MED21: variants seen among roughly 807,000 people sequenced by gnomAD.
MED21 encodes mediator of RNA polymerase II transcription subunit 21.
MED21 carries 9 observed loss-of-function variants against 18.2 expected under a neutral mutation model. That is an observed-to-expected ratio of 0.49 (90% CI 0.30 to 0.86). The LOEUF (loss-of-function observed/expected upper bound fraction) is 0.86. MED21 is among the 40% of genes least tolerant of loss of function. The pLI, the probability that MED21 is intolerant of heterozygous loss-of-function variation, is 0.07. For missense variants in MED21, 150 were observed against 170.9 expected (o/e 0.88, Z 0.68); for synonymous variants, 73 against 60.5 (o/e 1.21, Z -0.96).
chr12:27,025,272 A>G (rs1185732794), intron 1 of MED21, among the ~76,000 whole-genome samples: 3 of 152,242 alleles, frequency 2.0e-5, no homozygotes, highest in Non-Finnish European at 4.4e-5. Context: ...CTCCATTACA[A>G]TTAGCAAAAC....
downstream of MED21, among the ~76,000 whole-genome samples, chr12:27,032,531 T>C (rs1220059418): frequency 6.6e-6 from 1 of 152,194 alleles, no homozygotes; most frequent in East Asian, 1.9e-4. Context: ...CCAACTTGTC[T>C]CCCTGTCTCC....
intron 1 of MED21, chr12:27,022,869 C>A (rs193160874): frequency 1.4e-6 from 2 of 1,416,452 alleles, no homozygotes; most frequent in South Asian, 1.3e-5. Flanking sequence ...CGTTCTTGTC[C>A]GGGTGAGGCC....
downstream of MED21, among the ~76,000 whole-genome samples, chr12:27,032,548 T>C (rs1358154247): frequency 1.3e-5 from 2 of 152,210 alleles, no homozygotes; most frequent in African/African-American, 4.8e-5. Context: ...CTCCTGCTTA[T>C]GTGGTACATG....
At chr12:27,023,522 C>T (rs971687701) in intron 1 of MED21, among the ~76,000 whole-genome samples, 3 of 152,004 alleles carry the variant, frequency 2.0e-5, no homozygotes, top group Admixed American at 2.0e-4. Flanking sequence ...GTCTCAAACT[C>T]CCGGCCTCAA....
chr12:27,026,829 G>A (rs1384514236), intron 2 of MED21, among the ~76,000 whole-genome samples: 2 of 152,142 alleles, frequency 1.3e-5, no homozygotes. Context: ...TTATTCAGGT[G>A]ACCACTATAT....
chr12:27,032,968 C>T (rs565542585), downstream of MED21, among the ~76,000 whole-genome samples: 8 of 152,298 alleles, frequency 5.3e-5, no homozygotes, highest in South Asian at 6.2e-4. Flanking sequence ...GTCCCATTAA[C>T]GTCACCTGCT....
Position 27,029,809 on chromosome 12 carries a change from GAAA to G in MED21, c.*1350_*1352del. On this transcript the variant is annotated 3_prime_UTR_variant, in exon 4 of 4. Transcript: ENST00000282892. The stretch of plus-strand genomic sequence containing the variant: ...TTTGGGGGGAGAGAAGATTCAGTCA[GAAA>G]ACTTATTCAAAGTACCTAAGTATTA... 3 of 993,344 alleles carry G rather than the reference GAAA, an allele frequency of 3.0e-6. No homozygotes were observed. The highest frequency in any genetic ancestry group is 3.6e-6 in the Non-Finnish European group (3 of 834,902). 61.5% of individuals were successfully genotyped at this position (993,344 alleles called of 1,614,324 possible).
At chr12:27,024,511 C>T (rs1941519054) in intron 1 of MED21, among the ~76,000 whole-genome samples, 1 of 152,202 alleles carries the variant, frequency 6.6e-6, no homozygotes, top group Non-Finnish European at 1.5e-5. Context: ...CAGCCTTCCT[C>T]AGGGAACTAC....
At chr12:27,022,877 G>A in intron 1 of MED21, 2 of 1,411,378 alleles carry the variant, frequency 1.4e-6, no homozygotes, top group South Asian at 1.3e-5. Flanking sequence ...TCCGGGTGAG[G>A]CCGCCAGGAC....
chr12:27,033,766 GA>G (rs1418555002), downstream of MED21, among the ~76,000 whole-genome samples: 1 of 152,150 alleles, frequency 6.6e-6, no homozygotes, highest in Non-Finnish European at 1.5e-5. Flanking sequence ...GTCAAAAGAA[GA>G]AATCAGAAAG....
In MED21 at chr12:27,027,439, G is replaced by C. The variant is rs1312538325; in HGVS notation, c.250G>C (p.Ala84Pro). 2 of 1,609,928 alleles carry C rather than the reference G, an allele frequency of 1.2e-6. No homozygotes were observed. The highest frequency in any genetic ancestry group is 3.3e-5 in the Admixed American group (2 of 59,780). ...CTTACCCAGTGAAGAATCTACAGCT[G>C]CTTTACAGGTAAGCCTCTATTCCTT... ...DSLPSEESTA[A>P]LQAASLYKLE... Residue 84 changes from alanine (A) to proline (P), a missense_variant, in exon 3 of 4, where the codon GCT becomes CCT. Coordinates refer to ENST00000282892, the MANE Select transcript of MED21 (RefSeq NM_004264.5).
intron 2 of MED21, chr12:27,037,830 TG>T (rs749387754): frequency 7.2e-5 from 11 of 152,358 alleles, no homozygotes; most frequent in South Asian, 2.1e-4. Context: ...AATATGGTAA[TG>T]TAATTTGCCA....
At position 27,029,605 on chromosome 12, in the gene MED21, A is replaced by G; in HGVS notation, c.*1144A>G. The G allele has an allele frequency of 2.0e-6, 2 of 985,444 alleles. No individual in the cohort carries two copies. The highest frequency in any genetic ancestry group is 3.5e-5 in the African/African-American group (2 of 57,368). The allele number at this position is 985,444 out of a possible 1,614,324, so 61.0% of individuals were successfully genotyped here. On this transcript the variant is annotated 3_prime_UTR_variant, in exon 4 of 4. Transcript: ENST00000282892. ...TTTTGTTGTAATCAAGCTTTTCCAC[A>G]GTTCTTGAAAAGTACTATGTTTCAA...
chr12:27,035,926 T>C (rs1941646944), intron 2 of MED21, among the ~76,000 whole-genome samples: 1 of 152,134 alleles, frequency 6.6e-6, no homozygotes, highest in African/African-American at 2.4e-5. Flanking sequence ...TATAGCAGCA[T>C]GATTTATAGT....
At chr12:27,033,103 T>C (rs944661961), downstream of MED21, among the ~76,000 whole-genome samples, 1 of 152,236 alleles carries the variant, frequency 6.6e-6, no homozygotes, top group African/African-American at 2.4e-5. Flanking sequence ...ATTCTCCTTA[T>C]TGCAATAGTC....
Position 27,029,085 on chromosome 12 carries a change from G to T in MED21, c.*624G>T. On this transcript the variant is annotated 3_prime_UTR_variant, in exon 4 of 4. Coordinates refer to ENST00000282892, the MANE Select transcript of MED21 (RefSeq NM_004264.5). ...CCTCTGTCAAGAGAATTTCCTGGCT[G>T]TTGTGAAAGAATTTTTCTACATCCT... The T allele has an allele frequency of 1.0e-6, 1 of 985,344 alleles. No individual in the cohort carries two copies. Among genetic ancestry groups the T allele is most frequent in the Non-Finnish European group, 1.2e-6 (1 of 829,900 alleles). 61.0% of individuals were successfully genotyped at this position (985,344 alleles called of 1,614,324 possible). A position where few individuals can be genotyped will look rare whatever the true frequency, so the allele number is the denominator to read the frequency against.
At position 27,028,441 on chromosome 12, in the gene MED21, C is replaced by G; in HGVS notation, c.415C>G (p.Gln139Glu). The G allele has an allele frequency of 6.2e-7, 1 of 1,613,942 alleles. No homozygotes were observed. Among genetic ancestry groups the G allele is most frequent in the Non-Finnish European group, 8.5e-7 (1 of 1,179,874 alleles). ...QLKTRSGTHS[Q>E]SLPDS is the part of the protein sequence containing the mutation. ...GAAGACAAGAAGTGGTACCCATAGC[C>G]AGTCTCTTCCAGACTCATAGCATCA... is the stretch of plus-strand genomic sequence containing the variant. The change falls in exon 4 of 4, where the codon CAG becomes GAG. Residue 139 changes from glutamine (Q) to glutamate (E), a missense_variant. Coordinates refer to ENST00000282892, the MANE Select transcript of MED21 (RefSeq NM_004264.5).
At chr12:27,033,645 C>G (rs143106069), downstream of MED21, among the ~76,000 whole-genome samples, 55 of 152,212 alleles carry the variant, frequency 3.6e-4, 1 homozygote, top group African/African-American at 1.3e-3. Flanking sequence ...AGCAGAGGCA[C>G]TCATTTACTG....
Position 27,030,489 on chromosome 12 carries a change from G to T in MED21, c.*2028G>T. 1 of 306,718 alleles carries T rather than the reference G, an allele frequency of 3.3e-6. No homozygotes were observed. The allele number at this position is 306,718 out of a possible 1,614,324, so 19.0% of individuals were successfully genotyped here. On this transcript the variant is annotated 3_prime_UTR_variant, in exon 4 of 4. Coordinates refer to ENST00000282892, the MANE Select transcript of MED21 (RefSeq NM_004264.5). ...TTCAAAAGCATTAATAAATTAAGGT[G>T]GAATACTAAAAAAGATTCAGGTAAC...
Sources: gnomAD v4.1 joint callset for allele counts (sites outside exome capture counted in the v4.1 genomes callset) on GRCh38, gnomAD v4.1.1 for gene constraint, MANE v1.5 for transcripts, NCBI Gene and HGNC (gene_info 2026-07-23, HGNC 2026-07-21) for gene names.